Variants in ANK2 observed in about 807,000 individuals in gnomAD.
ANK2 encodes the protein ankyrin-2.
ANK2 carries 83 observed loss-of-function variants against 360.5 expected under a neutral mutation model. The ratio of observed to expected loss-of-function variants is 0.23; its 90% CI spans 0.19 to 0.28. The LOEUF is 0.28. Among genes scored for constraint, ANK2 ranks in the 10% least tolerant of loss-of-function variants. The pLI, the probability that ANK2 is intolerant of heterozygous loss-of-function variation, is 1.00. For missense variants in ANK2, 4,201 were observed against 4,795.7 expected (o/e 0.88, Z 3.66); for synonymous variants, 1,740 against 1,759.5 (o/e 0.99, Z 0.28).
At chr4:113,061,136 G>A (rs1481586170) in intron 1 of ANK2, among the ~76,000 whole-genome samples, 1 of 152,056 alleles carries the variant, frequency 6.6e-6, no homozygotes, top group East Asian at 1.9e-4. Flanking sequence ...TTTTGGATGG[G>A]TAGGAGGTCT....
At chr4:112,983,937 G>T (rs78042998) in intron 2 of ANK2, among the ~76,000 whole-genome samples, 1,876 of 152,230 alleles carry the variant, frequency 0.012, 23 homozygotes, top group Middle Eastern at 0.037. Flanking sequence ...TTAGATGTAT[G>T]AATTTAATGA....
chr4:112,790,739 G>A, the ANK2 span, among the ~76,000 whole-genome samples: 94 of 152,082 alleles, frequency 6.2e-4, 1 homozygote, highest in African/African-American at 2.1e-3. Flanking sequence ...CACCCACCTC[G>A]GCCTCCCAAA....
At chr4:113,079,815 A>G (rs941282271) in intron 1 of ANK2, among the ~76,000 whole-genome samples, 8 of 152,192 alleles carry the variant, frequency 5.3e-5, no homozygotes, top group Non-Finnish European at 1.2e-4. Flanking sequence ...TAAAGCAAAA[A>G]TAATGATACC....
chr4:112,801,351 C>A, the ANK2 span, among the ~76,000 whole-genome samples: 1 of 152,206 alleles, frequency 6.6e-6, no homozygotes, highest in East Asian at 1.9e-4. Context: ...TCCTGAGGAT[C>A]TGCATTACTC....
At chr4:113,145,755 G>C in intron 1 of ANK2, 3 of 1,209,496 alleles carry the variant, frequency 2.5e-6, no homozygotes, top group South Asian at 3.0e-5. Flanking sequence ...GAACTGAGCA[G>C]AGGAGCCAAG....
intron 4 of ANK2, among the ~76,000 whole-genome samples, chr4:113,229,334 G>T (rs961757470): frequency 6.6e-6 from 1 of 152,054 alleles, no homozygotes; most frequent in Non-Finnish European, 1.5e-5. Flanking sequence ...TCACGGCCCC[G>T]TTCTCCATCT....
At chr4:112,964,730 T>C (rs1314483093) in intron 2 of ANK2, among the ~76,000 whole-genome samples, 2 of 151,806 alleles carry the variant, frequency 1.3e-5, no homozygotes, top group Non-Finnish European at 2.9e-5. Context: ...CCACCACGCC[T>C]GGCTAATTTT....
intron 2 of ANK2, among the ~76,000 whole-genome samples, chr4:112,970,400 G>C (rs1208717485): frequency 6.6e-6 from 1 of 151,546 alleles, no homozygotes; most frequent in Admixed American, 6.6e-5. Flanking sequence ...CATCACCCAG[G>C]CTGGAGTGCA....
chr4:113,179,152 A>G (rs1216006336), intron 2 of ANK2, among the ~76,000 whole-genome samples: 2 of 152,208 alleles, frequency 1.3e-5, no homozygotes, highest in Non-Finnish European at 1.5e-5. Context: ...CAGCCAAACT[A>G]TTGCTATTTC....
chr4:113,169,814 G>A (rs888678612), intron 1 of ANK2, among the ~76,000 whole-genome samples: 1 of 152,006 alleles, frequency 6.6e-6, no homozygotes, highest in South Asian at 2.1e-4. Context: ...CTATAAAAAA[G>A]AAACTTTGAC....
intron 1 of ANK2, among the ~76,000 whole-genome samples, chr4:113,099,161 T>C (rs1421241341): frequency 6.6e-6 from 1 of 151,724 alleles, no homozygotes. Flanking sequence ...GCTAATACAA[T>C]AACACAAGAA....
chr4:113,117,414 G>T, intron 1 of ANK2: 1 of 456,218 alleles, frequency 2.2e-6, no homozygotes, highest in South Asian at 1.5e-5. Flanking sequence ...GAACGAAAAA[G>T]AAAGGTATGA....
chr4:113,288,564 G>C, intron 20 of ANK2, 78 bp downstream of exon 20: 1 of 1,203,002 alleles, frequency 8.3e-7, no homozygotes, highest in Non-Finnish European at 1.2e-6. Context: ...GTTTACCAAA[G>C]CTACAAGTGT....
chr4:113,129,370 T>C (rs756413886), intron 1 of ANK2, among the ~76,000 whole-genome samples: 3 of 152,176 alleles, frequency 2.0e-5, no homozygotes, highest in Admixed American at 1.3e-4. Flanking sequence ...TAAGTCATCA[T>C]AGAGGGAAAA....
At chr4:113,297,756 A>G (rs1198429826) in intron 22 of ANK2, among the ~76,000 whole-genome samples, 2 of 151,998 alleles carry the variant, frequency 1.3e-5, no homozygotes, top group Non-Finnish European at 2.9e-5. Context: ...GTATATTTAT[A>G]TGATATTTGT....
chr4:112,717,237 G>A, the ANK2 span, among the ~76,000 whole-genome samples: 3 of 152,082 alleles, frequency 2.0e-5, no homozygotes, highest in African/African-American at 7.2e-5. Flanking sequence ...TGTAGAAGCT[G>A]CCTGTCATTT....
At chr4:112,746,049 C>T in the ANK2 span, among the ~76,000 whole-genome samples, 1 of 151,976 alleles carries the variant, frequency 6.6e-6, no homozygotes, top group South Asian at 2.1e-4. Context: ...CCATCCCCTT[C>T]TATCAGCCCT....
the ANK2 span, among the ~76,000 whole-genome samples, chr4:112,735,563 G>A: frequency 6.6e-6 from 1 of 151,980 alleles, no homozygotes; most frequent in Admixed American, 6.6e-5. Context: ...CCCACAAGGG[G>A]GCTTTCCTTG....
At chr4:113,024,392 G>T (rs1292419116) in intron 2 of ANK2, among the ~76,000 whole-genome samples, 1 of 151,942 alleles carries the variant, frequency 6.6e-6, no homozygotes, top group East Asian at 1.9e-4. Flanking sequence ...TCTCTCTCTA[G>T]TTACTTAATT....
Sources: allele counts gnomAD v4.1 joint callset (sites outside exome capture counted in the v4.1 genomes callset), GRCh38; gene constraint gnomAD v4.1.1; transcripts MANE v1.5; gene names NCBI Gene and HGNC (gene_info 2026-07-23, HGNC 2026-07-21).